The following HMGN4 variants were observed in gnomAD, a reference collection of about 807,000 sequenced individuals.
HMGN4 encodes high mobility group nucleosomal binding domain 4.
For synonymous variants in HMGN4, 39 were observed against 39.1 expected, an observed-to-expected ratio of 1.00 and a Z score of 0.01; for missense variants, 69 against 104.9, an observed-to-expected ratio of 0.66 and a Z score of 1.49.
Position 26,543,421 on chromosome 6 carries a change from C to CTTTTTTTT in HMGN4, c.-80-1695_-80-1688dup, listed in dbSNP as rs70977285. On this transcript the variant is annotated intron_variant, in intron 1 of 1. Coordinates refer to ENST00000377575, the MANE Select transcript of HMGN4 (RefSeq NM_006353.3). The stretch of plus-strand genomic sequence containing the variant: ...CTGTATGTCTCAGTGGCACCATTAC[C>CTTTTTTTT]TTTTTTTTTTTTTTTTTTGAAGCAG... Among the ~76,000 whole-genome samples, 8 of 80,134 alleles carry CTTTTTTTT rather than the reference C, an allele frequency of 1.0e-4. 1 individual carries two copies. The highest frequency in any genetic ancestry group is 2.8e-4 in the African/African-American group (5 of 17,682). The allele number at this position is 80,134 out of a possible 152,430, so 52.6% of individuals were successfully genotyped here. A position where few individuals can be genotyped will look rare whatever the true frequency, so the allele number is the denominator to read the frequency against.
chr6:26,540,453 G>A (rs574220367), intron 1 of HMGN4, among the ~76,000 whole-genome samples: 1 of 151,716 alleles, frequency 6.6e-6, no homozygotes, highest in Admixed American at 6.6e-5. Context: ...TCCTGCCTCA[G>A]CTTCCCAAGT....
rs982609497 is a variant in HMGN4 at position 26,542,732 on chromosome 6, C to G, written c.-80-2395C>G. On this transcript the variant is annotated intron_variant, in intron 1 of 1. Transcript: ENST00000377575. This position sits in a 1 kb window ranked among gnomAD's most constrained non-coding sequence, Gnocchi z 4.6. The stretch of plus-strand genomic sequence containing the variant: ...TAATCAGCTTCCTAAAGGTGAGTTT[C>G]AAGAATTAAATCCGTATTTATATAC... Among the ~76,000 whole-genome samples the G allele has an allele frequency of 2.6e-5, 4 of 152,190 alleles. No homozygotes were observed. The highest frequency in any genetic ancestry group is 7.2e-5 in the African/African-American group (3 of 41,442).
chr6:26,546,493 GTGTA>G lies in HMGN4; in HGVS notation c.*1018_*1021del, dbSNP rs1561896474. ...TGCCTCTTTCATAAATTAAATTTTT[GTGTA>G]TGTGTGTGGGTCTTTTGATGGTTTC... On this transcript the variant is annotated 3_prime_UTR_variant, in exon 2 of 2. Coordinates refer to ENST00000377575, the MANE Select transcript of HMGN4 (RefSeq NM_006353.3). 6.6e-6 allele frequency among the ~76,000 whole-genome samples: 1 copy of G among 152,120 alleles called. No individual in the cohort carries two copies. The highest frequency in any genetic ancestry group is 2.4e-5 in the African/African-American group (1 of 41,412).
chr6:26,545,395 A>G lies in HMGN4; in HGVS notation c.189A>G (p.Gly63=). 6.2e-7 allele frequency: 1 copy of G among 1,613,892 alleles called. No individual in the cohort carries two copies. Among genetic ancestry groups the G allele is most frequent in the Non-Finnish European group, 8.5e-7 (1 of 1,179,938 alleles). ...PKGRKGKADA[G]KDGNNPAKNR... The stretch of plus-strand genomic sequence containing the variant: ...GGAGAAAGGGGAAAGCAGATGCTGG[A>G]AAGGATGGGAACAACCCTGCAAAAA... Residue 63 remains glycine, a synonymous_variant, in exon 2 of 2, where the codon GGA becomes GGG. Coordinates refer to ENST00000377575, the MANE Select transcript of HMGN4 (RefSeq NM_006353.3).
In HMGN4 at chr6:26,546,110, G is replaced by A. The variant is rs553043550; in HGVS notation, c.*631G>A. The A allele has an allele frequency of 4.4e-4, 74 of 167,196 alleles. No homozygotes were observed. Among genetic ancestry groups the A allele is most frequent in the African/African-American group, 1.8e-3 (74 of 41,582 alleles). The allele number at this position is 167,196 out of a possible 1,614,324, so 10.4% of individuals were successfully genotyped here. On this transcript the variant is annotated 3_prime_UTR_variant, in exon 2 of 2. Coordinates refer to ENST00000377575, the MANE Select transcript of HMGN4 (RefSeq NM_006353.3). ...AATCTTTCTTGTTCAAAACAGCAACGACATATCTTGTTAACTTTTACGGTG... is the reference window on the plus strand; with the variant it reads ...AATCTTTCTTGTTCAAAACAGCAACAACATATCTTGTTAACTTTTACGGTG...
At chr6:26,539,523 G>A (rs1465879997) in intron 1 of HMGN4, among the ~76,000 whole-genome samples, 2 of 151,186 alleles carry the variant, frequency 1.3e-5, no homozygotes, top group South Asian at 2.1e-4. Context: ...CGCCCGCCTC[G>A]GCCTCCCAAA....
intron 1 of HMGN4, among the ~76,000 whole-genome samples, chr6:26,540,334 T>TTTTTTTC (rs1764274001): frequency 6.6e-6 from 1 of 151,994 alleles, no homozygotes; most frequent in South Asian, 2.1e-4. Context: ...GAATCTTTTT[T>TTTTTTTC]TTTTTTTCTT....
intron 1 of HMGN4, among the ~76,000 whole-genome samples, chr6:26,541,592 C>T (rs141695929): frequency 0.013 from 2,046 of 152,226 alleles, 23 homozygotes; most frequent in South Asian, 0.057. Flanking sequence ...TATAAGTACA[C>T]CAGTAATATT....
Position 26,542,522 on chromosome 6 carries a change from C to T in HMGN4, c.-80-2605C>T, listed in dbSNP as rs893267712. 5.9e-5 allele frequency among the ~76,000 whole-genome samples: 9 copies of T among 152,200 alleles called. No individual in the cohort carries two copies. Among genetic ancestry groups the T allele is most frequent in the South Asian group, 4.1e-4 (2 of 4,832 alleles). On this transcript the variant is annotated intron_variant, in intron 1 of 1. Transcript: ENST00000377575. The surrounding 1 kb of genome is among the most constrained non-coding windows in gnomAD (Gnocchi z 4.6). ...TTCATTTACCTAAAAATCTCTTCTG[C>T]GCCACCTCAAATAATTTCTTCTGAG...
intron 1 of HMGN4, among the ~76,000 whole-genome samples, chr6:26,541,857 G>A (rs555910546): frequency 6.6e-6 from 1 of 152,280 alleles, no homozygotes; most frequent in East Asian, 1.9e-4. Flanking sequence ...CAATGAAGAC[G>A]AGTGATTCAA....
chr6:26,541,549 CT>C (rs1475365758), intron 1 of HMGN4, among the ~76,000 whole-genome samples: 3 of 152,184 alleles, frequency 2.0e-5, no homozygotes, highest in Non-Finnish European at 2.9e-5. Flanking sequence ...AGATGTGTTC[CT>C]CTATGTTGTC....
At chr6:26,539,634 T>TAAAAAAAAAAAA (rs61003052) in intron 1 of HMGN4, among the ~76,000 whole-genome samples, 1 of 125,150 alleles carries the variant, frequency 8.0e-6, no homozygotes, top group African/African-American at 3.0e-5. Flanking sequence ...TCCGCAAAAT[T>TAAAAAAAAAAAA]AAAAAAAAAA....
intron 1 of HMGN4, among the ~76,000 whole-genome samples, chr6:26,539,442 G>T (rs2113580361): frequency 6.6e-6 from 1 of 152,046 alleles, no homozygotes. Flanking sequence ...GATAATTTTT[G>T]TATTTTTAGT....
In HMGN4 at chr6:26,539,649, AAAAAG is replaced by A. The variant is rs1245382986; in HGVS notation, c.-81+1162_-81+1166del. ...TCCGCAAAATTAAAAAAAAAAAAAA[AAAAAG>A]AAAAGAAAAGAAAGAAAAGGACAAT... On this transcript the variant is annotated intron_variant, in intron 1 of 1. Transcript: ENST00000377575. 3.1e-3 allele frequency among the ~76,000 whole-genome samples: 448 copies of A among 144,052 alleles called. 27 individuals carry two copies. The highest frequency in any genetic ancestry group is 0.018 in the Middle Eastern group (5 of 282). The allele number at this position is 144,052 out of a possible 152,430, so 94.5% of individuals were successfully genotyped here.
chr6:26,540,769 G>A (rs1403880830), intron 1 of HMGN4, among the ~76,000 whole-genome samples: 2 of 152,156 alleles, frequency 1.3e-5, no homozygotes, highest in Non-Finnish European at 2.9e-5. Context: ...AGGCAGGGAG[G>A]GAGAGGGGAA....
intron 1 of HMGN4, chr6:26,539,847 C>T (rs2113580877): frequency 6.6e-6 from 1 of 152,232 alleles, no homozygotes; most frequent in South Asian, 2.1e-4. Flanking sequence ...GGCATGTGCT[C>T]AACAGCAACC....
In HMGN4 at chr6:26,545,700, C is replaced by T. The variant is rs887415844; in HGVS notation, c.*221C>T. On this transcript the variant is annotated 3_prime_UTR_variant, in exon 2 of 2. Coordinates refer to ENST00000377575, the MANE Select transcript of HMGN4 (RefSeq NM_006353.3). Reference sequence around the variant, plus strand: ...ATAAGGGAAAATAGGATTTTCTGTCCTGGTTTTTGAAGATTGTTCTTGATT... The same window carrying T: ...ATAAGGGAAAATAGGATTTTCTGTCTTGGTTTTTGAAGATTGTTCTTGATT... 6.6e-6 allele frequency: 2 copies of T among 303,320 alleles called. No homozygotes were observed. The highest frequency in any genetic ancestry group is 1.3e-5 in the Non-Finnish European group (2 of 157,562). The allele number at this position is 303,320 out of a possible 1,614,324, so 18.8% of individuals were successfully genotyped here. A position where few individuals can be genotyped will look rare whatever the true frequency, so the allele number is the denominator to read the frequency against.
At chr6:26,538,810 G>A (rs1276469385) in intron 1 of HMGN4, among the ~76,000 whole-genome samples, 1 of 152,190 alleles carries the variant, frequency 6.6e-6, no homozygotes, top group Non-Finnish European at 1.5e-5. Flanking sequence ...GAAGGAAGGG[G>A]ATTTGAAAGG....
chr6:26,542,937 A>G lies in HMGN4; in HGVS notation c.-80-2190A>G, dbSNP rs1027439848. 4.6e-5 allele frequency among the ~76,000 whole-genome samples: 7 copies of G among 152,206 alleles called. No individual in the cohort carries two copies. Among genetic ancestry groups the G allele is most frequent in the African/African-American group, 1.7e-4 (7 of 41,458 alleles). On this transcript the variant is annotated intron_variant, in intron 1 of 1. Coordinates refer to ENST00000377575, the MANE Select transcript of HMGN4 (RefSeq NM_006353.3). This position sits in a 1 kb window ranked among gnomAD's most constrained non-coding sequence, Gnocchi z 4.6. The stretch of plus-strand genomic sequence containing the variant: ...TGTGTGAGCATTCTCACACCAGGAA[A>G]TGGGCTGAGAAACAATTTTGGAGTG...
Sources: allele counts gnomAD v4.1 joint callset (sites outside exome capture counted in the v4.1 genomes callset), GRCh38; gene constraint gnomAD v4.1.1; non-coding constraint Gnocchi (gnomAD v3.1); transcripts MANE v1.5; gene names NCBI Gene and HGNC (gene_info 2026-07-23, HGNC 2026-07-21).